The following RBMS1 variants were observed in gnomAD, a reference collection of about 807,000 sequenced individuals.
The protein encoded by RBMS1 is RNA-binding motif, single-stranded-interacting protein 1.
A neutral mutation model predicts 62.3 loss-of-function variants in RBMS1; 17 were observed. The observed-to-expected ratio is 0.27, with a 90% CI of 0.19 to 0.41. The LOEUF (loss-of-function observed/expected upper bound fraction) is 0.41, where lower values mean the gene tolerates loss of function less well. Ranked by LOEUF, RBMS1 falls within the 10% of genes least tolerant of loss-of-function variation. The probability of loss-of-function intolerance (pLI) is 1.00; values close to 1 mark genes in which losing one functional copy is unlikely to be tolerated. For missense variants in RBMS1, 334 were observed against 504.5 expected (o/e 0.66, Z 3.24); for synonymous variants, 172 against 170.0 (o/e 1.01, Z -0.09).
intron 1 of RBMS1, among the ~76,000 whole-genome samples, chr2:160,434,966 CCT>C (rs1394145537): frequency 2.6e-5 from 4 of 152,170 alleles, no homozygotes; most frequent in Non-Finnish European, 5.9e-5. Context: ...CAAGCCCGAC[CCT>C]GAGTCCTATT....
chr2:160,372,630 C>A (rs1418238699), intron 1 of RBMS1, among the ~76,000 whole-genome samples: 1 of 152,174 alleles, frequency 6.6e-6, no homozygotes, highest in Non-Finnish European at 1.5e-5. Flanking sequence ...AATAAATTAT[C>A]AAAAAGGAAT....
chr2:160,366,825 C>T (rs899176189), intron 2 of RBMS1: 5 of 164,280 alleles, frequency 3.0e-5, no homozygotes, highest in Middle Eastern at 3.1e-3. Flanking sequence ...AGATGGTTAA[C>T]AATCTTTCTG....
intron 6 of RBMS1, among the ~76,000 whole-genome samples, chr2:160,288,756 G>C (rs1435865365): frequency 6.6e-6 from 1 of 152,064 alleles, no homozygotes; most frequent in Non-Finnish European, 1.5e-5. Context: ...GTACATAGTG[G>C]GTCTTCTCTA....
rs796140195 is a variant in RBMS1, at chr2:160,453,211, G to GA, written c.75+40077dup. Among the ~76,000 whole-genome samples, 292 of 144,896 alleles carry GA rather than the reference G, an allele frequency of 2.0e-3. 3 individuals are homozygous for GA. Among genetic ancestry groups the GA allele is most frequent in the Admixed American group, 7.8e-3 (113 of 14,556 alleles). On this transcript the variant is annotated intron_variant, in intron 1 of 13. Coordinates refer to ENST00000348849, the MANE Select transcript of RBMS1 (RefSeq NM_016836.4). Reference sequence around the variant, plus strand: ...ATAGCAGGAGGAACTAGTCCAGAGAGAAAAAAAAAAATATGTGCAAAACCC... The same window carrying GA: ...ATAGCAGGAGGAACTAGTCCAGAGAGAAAAAAAAAAAATATGTGCAAAACCC...
At chr2:160,350,420 T>C (rs191908794) in intron 2 of RBMS1, among the ~76,000 whole-genome samples, 43 of 152,150 alleles carry the variant, frequency 2.8e-4, no homozygotes, top group African/African-American at 1.0e-3. Context: ...AACCATTACA[T>C]CTGTGTAATA....
intron 1 of RBMS1, among the ~76,000 whole-genome samples, chr2:160,429,375 T>TA (rs1343146794): frequency 6.6e-6 from 1 of 152,232 alleles, no homozygotes; most frequent in Non-Finnish European, 1.5e-5. Context: ...ACTATGTTGT[T>TA]ATACATGTCA....
At chr2:160,344,864 C>T (rs1239499380) in intron 2 of RBMS1, among the ~76,000 whole-genome samples, 2 of 152,040 alleles carry the variant, frequency 1.3e-5, no homozygotes, top group Non-Finnish European at 2.9e-5. Flanking sequence ...TTAAACTGGA[C>T]CTAGTATACA....
chr2:160,447,085 A>C (rs1394639443), intron 1 of RBMS1, among the ~76,000 whole-genome samples: 1 of 152,216 alleles, frequency 6.6e-6, no homozygotes, highest in African/African-American at 2.4e-5. Context: ...TTCAAATCTT[A>C]AGGACACAGT....
At chr2:160,418,407 G>C (rs572852249) in intron 1 of RBMS1, among the ~76,000 whole-genome samples, 1 of 152,062 alleles carries the variant, frequency 6.6e-6, no homozygotes, top group Non-Finnish European at 1.5e-5. Context: ...TTTTTACATA[G>C]ATCAGGTAAA....
At chr2:160,460,658 G>C (rs1684421906) in intron 1 of RBMS1, among the ~76,000 whole-genome samples, 1 of 152,190 alleles carries the variant, frequency 6.6e-6, no homozygotes, top group Non-Finnish European at 1.5e-5. Flanking sequence ...CTCTCTGGCT[G>C]TTTTGCTTCT....
intron 1 of RBMS1, among the ~76,000 whole-genome samples, chr2:160,474,962 T>C (rs1026051978): frequency 6.6e-6 from 1 of 152,242 alleles, no homozygotes; most frequent in Non-Finnish European, 1.5e-5. Context: ...ATTCAAGTGA[T>C]TGTTTTTTTC....
chr2:160,360,382 GGAGA>G (rs1255951734), intron 2 of RBMS1, among the ~76,000 whole-genome samples: 1 of 152,166 alleles, frequency 6.6e-6, no homozygotes, highest in Non-Finnish European at 1.5e-5. Context: ...CAGAAAGAAA[GGAGA>G]GAAATTCATT....
At chr2:160,467,878 C>T (rs1684758747) in intron 1 of RBMS1, among the ~76,000 whole-genome samples, 1 of 152,030 alleles carries the variant, frequency 6.6e-6, no homozygotes, top group Non-Finnish European at 1.5e-5. Flanking sequence ...ATATCTCAAG[C>T]TTGGGACCAG....
intron 1 of RBMS1, among the ~76,000 whole-genome samples, chr2:160,412,843 G>T (rs1294540789): frequency 6.6e-6 from 1 of 152,248 alleles, no homozygotes; most frequent in African/African-American, 2.4e-5. Flanking sequence ...CAGACTTGGG[G>T]TAATCACTGC....
chr2:160,341,425 C>T (rs993498247), intron 2 of RBMS1, among the ~76,000 whole-genome samples: 3 of 152,080 alleles, frequency 2.0e-5, no homozygotes, highest in African/African-American at 7.2e-5. Flanking sequence ...CCCTGAGTCC[C>T]GGCACTTTCA....
intron 1 of RBMS1, among the ~76,000 whole-genome samples, chr2:160,485,143 G>T (rs545183278): frequency 1.3e-5 from 2 of 152,222 alleles, no homozygotes; most frequent in African/African-American, 4.8e-5. Context: ...AAAAGGGAAC[G>T]AGTTTATCTC....
intron 1 of RBMS1, among the ~76,000 whole-genome samples, chr2:160,407,029 C>A (rs1488800560): frequency 1.3e-5 from 2 of 148,296 alleles, no homozygotes; most frequent in Non-Finnish European, 3.0e-5. Flanking sequence ...CACAGAGACA[C>A]AGACACACAC....
intron 1 of RBMS1, among the ~76,000 whole-genome samples, chr2:160,429,980 C>T (rs552479677): frequency 6.6e-6 from 1 of 152,258 alleles, no homozygotes; most frequent in Non-Finnish European, 1.5e-5. Context: ...GAAATCTGGG[C>T]TAGTCTGCCT....
At chr2:160,492,414 A>G (rs1280293590) in intron 1 of RBMS1, among the ~76,000 whole-genome samples, 4 of 152,184 alleles carry the variant, frequency 2.6e-5, no homozygotes, top group Admixed American at 2.6e-4. Context: ...GCCAGGCGCA[A>G]TTTGTATGGC....
Sources: allele counts gnomAD v4.1 joint callset (sites outside exome capture counted in the v4.1 genomes callset), GRCh38; gene constraint gnomAD v4.1.1; transcripts MANE v1.5; gene names NCBI Gene and HGNC (gene_info 2026-07-23, HGNC 2026-07-21).